Variants in DGKZ observed in about 807,000 individuals in gnomAD.
DGKZ encodes the protein diacylglycerol kinase zeta, also known as DAG kinase zeta.
In DGKZ, 45 loss-of-function variants were observed where a neutral mutation model predicts 142.5. The observed-to-expected ratio is 0.32, with a 90% confidence interval of 0.25 to 0.40. The LOEUF (loss-of-function observed/expected upper bound fraction) is 0.40. Ranked by LOEUF, DGKZ falls within the 10% of genes least tolerant of loss-of-function variation. DGKZ has a pLI of 1.00. For synonymous variants in DGKZ, 442 were observed against 527.0 expected (o/e 0.84, Z 2.21); for missense variants, 755 against 1,306.5 (o/e 0.58, Z 6.51).
At chr11:46,351,315 G>A (rs966830868) in intron 1 of DGKZ, among the ~76,000 whole-genome samples, 4 of 152,154 alleles carry the variant, frequency 2.6e-5, no homozygotes, top group Non-Finnish European at 4.4e-5. Flanking sequence ...GAGCCTGAGC[G>A]TCTGTGCCGC....
chr11:46,361,589 C>T, intron 1 of DGKZ: 7 of 984,106 alleles, frequency 7.1e-6, no homozygotes, highest in Non-Finnish European at 8.4e-6. Flanking sequence ...GAGGAGCAGC[C>T]ACGGCTGCTA....
Position 46,367,114 on chromosome 11 carries a change from A to G in DGKZ, c.162-177A>G, listed in dbSNP as rs1943399185. 9.1e-6 allele frequency: 12 copies of G among 1,316,360 alleles called. No homozygotes were observed. The highest frequency in any genetic ancestry group is 1.2e-5 in the Non-Finnish European group (11 of 952,398). The allele number at this position is 1,316,360 out of a possible 1,614,324, so 81.5% of individuals were successfully genotyped here. On this transcript the variant is annotated intron_variant, in intron 1 of 30. Coordinates refer to ENST00000527911, the Ensembl canonical transcript of DGKZ. This position sits in a 1 kb window ranked among gnomAD's most constrained non-coding sequence, Gnocchi z 4.1. ...ACACTCTGGGCAGTACCCTGAAGCC[A>G]GCGTACCCCAAAAGGCCATGTCTCT...
chr11:46,365,896 A>G (rs1943190987), intron 1 of DGKZ: 1 of 985,358 alleles, frequency 1.0e-6, no homozygotes, highest in Admixed American at 6.1e-5. Flanking sequence ...TTAGGCCCAG[A>G]GCTCTGTAGA....
intron 25 of DGKZ, 184 bp downstream of exon 25, chr11:46,377,396 C>A: frequency 8.6e-7 from 1 of 1,156,928 alleles, no homozygotes; most frequent in Non-Finnish European, 1.2e-6. Context: ...CTCACGTCCA[C>A]CCTGGTTCCC....
intron 4 of DGKZ, chr11:46,368,350 T>A (rs1416374546): frequency 2.0e-6 from 1 of 489,662 alleles, no homozygotes; most frequent in African/African-American, 1.9e-5. Flanking sequence ...ATGGTGGCCC[T>A]TGTACCATTT....
intron 26 of DGKZ, 33 bp from the exon 27 acceptor site, chr11:46,378,424 G>A (rs200489928): frequency 8.8e-5 from 139 of 1,572,396 alleles, no homozygotes; most frequent in Middle Eastern, 3.7e-4. Flanking sequence ...CCAGGCCTCC[G>A]ACTGCAGAGT....
At chr11:46,371,161 T>C in intron 6 of DGKZ, 152 bp from the exon 7 acceptor site, 1 of 671,560 alleles carries the variant, frequency 1.5e-6, no homozygotes. Context: ...TTGGGGGGGC[T>C]GAGGCAGATT....
chr11:46,338,712 T>G (rs1445144152), intron 1 of DGKZ: 1 of 151,972 alleles, frequency 6.6e-6, no homozygotes, highest in African/African-American at 2.4e-5. Context: ...CGTGCATCCT[T>G]CTGGGTCAGA....
At chr11:46,379,325 A>G in intron 29 of DGKZ, 89 bp downstream of exon 29, 1 of 1,590,106 alleles carries the variant, frequency 6.3e-7, no homozygotes, top group Middle Eastern at 1.7e-4. Flanking sequence ...GAGCCCATAA[A>G]CTTCCTGGTC....
At chr11:46,362,264 G>A (rs1942748297) in intron 1 of DGKZ, among the ~76,000 whole-genome samples, 1 of 152,188 alleles carries the variant, frequency 6.6e-6, no homozygotes, top group African/African-American at 2.4e-5. Context: ...GGGCGCTCTG[G>A]GTCAGTCCCA....
chr11:46,372,014 A>C lies in DGKZ; in HGVS notation c.832-61A>C. Reference sequence around the variant, plus strand: ...ACAAAGTCACCCAGGGGGCCTGCTAAGGATGATGGTAGGGTGTCCTGGACG... The same window carrying C: ...ACAAAGTCACCCAGGGGGCCTGCTACGGATGATGGTAGGGTGTCCTGGACG... On this transcript the variant is annotated intron_variant, in intron 9 of 30. Coordinates refer to ENST00000527911, the Ensembl canonical transcript of DGKZ. This position sits in a 1 kb window ranked among gnomAD's most constrained non-coding sequence, Gnocchi z 5.9. The C allele has an allele frequency of 6.7e-7, 1 of 1,494,480 alleles. No individual in the cohort carries two copies. The highest frequency in any genetic ancestry group is 9.2e-7 in the Non-Finnish European group (1 of 1,092,402). 92.6% of individuals were successfully genotyped at this position (1,494,480 alleles called of 1,614,324 possible).
chr11:46,345,355 C>G (rs991156799), upstream of DGKZ: 1 of 1,394,760 alleles, frequency 7.2e-7, no homozygotes. The surrounding 1 kb of genome is among the most constrained non-coding windows in gnomAD (Gnocchi z 4.1). Context: ...AGGCCCCCCC[C>G]TCGACCCCAC....
upstream of DGKZ, among the ~76,000 whole-genome samples, chr11:46,346,453 G>A (rs1487926931): frequency 1.3e-5 from 2 of 152,216 alleles, no homozygotes; most frequent in African/African-American, 2.4e-5. Context: ...GCCCCTACAG[G>A]TGACTGCTTG....
chr11:46,377,090 G>A, exon 25 of DGKZ: 1 of 1,613,344 alleles, frequency 6.2e-7, no homozygotes, highest in Non-Finnish European at 8.5e-7. Context: ...TCAACTATGT[G>A]ACTGAGATCG....
At chr11:46,333,188 C>T in exon 1 of DGKZ, 1 of 1,149,814 alleles carries the variant, frequency 8.7e-7, no homozygotes, top group Non-Finnish European at 1.1e-6. Context: ...CTCCCCGCCT[C>T]GCGTCCCCGG....
At chr11:46,350,511 C>T (rs906104406) in intron 1 of DGKZ, among the ~76,000 whole-genome samples, 10 of 152,116 alleles carry the variant, frequency 6.6e-5, no homozygotes, top group Admixed American at 4.6e-4. Context: ...CTCCCCACCC[C>T]ACCCACATAC....
intron 29 of DGKZ, 102 bp downstream of exon 29, chr11:46,379,338 A>G: frequency 6.3e-7 from 1 of 1,582,528 alleles, no homozygotes; most frequent in Non-Finnish European, 8.6e-7. Flanking sequence ...TCCTGGTCAC[A>G]TCTGTCATCC....
At chr11:46,361,688 G>A (rs527691527) in intron 1 of DGKZ, 4 of 985,406 alleles carry the variant, frequency 4.1e-6, no homozygotes, top group East Asian at 1.1e-4. Context: ...TCCCACCTGC[G>A]CCCTGCCTTC....
chr11:46,366,954 C>A, intron 1 of DGKZ: 1 of 1,536,996 alleles, frequency 6.5e-7, no homozygotes, highest in South Asian at 1.2e-5. Context: ...CGCAAGGCGG[C>A]CGGACCCCAG....
Sources: gnomAD v4.1 joint callset for allele counts (sites outside exome capture counted in the v4.1 genomes callset) on GRCh38, gnomAD v4.1.1 for gene constraint, Gnocchi (gnomAD v3.1) non-coding constraint, MANE v1.5 for transcripts, NCBI Gene and HGNC (gene_info 2026-07-23, HGNC 2026-07-21) for gene names.